Variants in PHF19 observed in about 807,000 individuals in gnomAD.
PHF19 encodes the protein polycomb like 3.
PHF19 carries 21 observed loss-of-function variants against 79.8 expected under a neutral mutation model. The ratio of observed to expected loss-of-function variants is 0.26; its 90% CI spans 0.19 to 0.38. The LOEUF (loss-of-function observed/expected upper bound fraction) is 0.38, where lower values mean the gene tolerates loss of function less well. PHF19 is among the 10% of genes least tolerant of loss of function. The probability of loss-of-function intolerance (pLI) is 1.00; values close to 1 mark genes in which losing one functional copy is unlikely to be tolerated. For missense variants in PHF19, 445 were observed against 744.2 expected, an observed-to-expected ratio of 0.60 and a Z score of 4.68; for synonymous variants, 273 against 296.3, an observed-to-expected ratio of 0.92 and a Z score of 0.81.
At chr9:120,867,725 A>G (rs1479059798) in intron 6 of PHF19, among the ~76,000 whole-genome samples, 1 of 152,232 alleles carries the variant, frequency 6.6e-6, no homozygotes, top group East Asian at 1.9e-4. Context: ...GCCTGAAGTT[A>G]AGGTTAAGCC....
In PHF19 at chr9:120,891,402, T is replaced by C. The variant is rs2046341470; in HGVS notation, c.42+3386A>G. On this transcript the variant is annotated intron_variant, in intron 1 of 14. Transcript: ENST00000616568. This position sits in a 1 kb window ranked among gnomAD's most constrained non-coding sequence, Gnocchi z 4.3. ...TTAAGCCCGCACACCTGCCGTACTT[T>C]GGGATCACCCCGGGAACCTTAACAT... Among the ~76,000 whole-genome samples the C allele has an allele frequency of 6.6e-6, 1 of 152,176 alleles. No individual in the cohort carries two copies. Among genetic ancestry groups the C allele is most frequent in the Non-Finnish European group, 1.5e-5 (1 of 68,034 alleles).
chr9:120,873,294 C>A (rs1588119270), intron 3 of PHF19, among the ~76,000 whole-genome samples: 1 of 152,302 alleles, frequency 6.6e-6, no homozygotes, highest in South Asian at 2.1e-4. Flanking sequence ...TCAATGGCTA[C>A]TGATGTCTGT....
At chr9:120,904,013 G>T in the PHF19 span, 1 of 152,286 alleles carries the variant, frequency 6.6e-6, no homozygotes, top group African/African-American at 2.4e-5. Context: ...TTGCTCAGTG[G>T]CTTGGAGGTC....
At chr9:120,858,846 C>CACACACAA (rs2045429346) in intron 14 of PHF19, among the ~76,000 whole-genome samples, 2 of 151,812 alleles carry the variant, frequency 1.3e-5, no homozygotes, top group Non-Finnish European at 2.9e-5. Context: ...CACACACACA[C>CACACACAA]ACACACACAC....
intron 10 of PHF19, chr9:120,863,144 C>T (rs1246316783): frequency 5.2e-6 from 1 of 193,052 alleles, no homozygotes; most frequent in East Asian, 1.4e-4. Flanking sequence ...ACCGGCTGGG[C>T]TCCTCTGAGG....
chr9:120,883,179 G>A (rs962557882), intron 1 of PHF19, among the ~76,000 whole-genome samples: 1 of 151,718 alleles, frequency 6.6e-6, no homozygotes, highest in Non-Finnish European at 1.5e-5. Flanking sequence ...GGAAATGAGA[G>A]AAGTCTGCCT....
chr9:120,868,905 C>G, intron 6 of PHF19: 15 of 973,234 alleles, frequency 1.5e-5, no homozygotes, highest in Non-Finnish European at 1.9e-5. Flanking sequence ...CCCGAGGCCC[C>G]GCCCTCAGGT....
chr9:120,869,152 C>G lies in PHF19; in HGVS notation c.614+30G>C. 6.3e-7 allele frequency: 1 copy of G among 1,585,750 alleles called. No homozygotes were observed. The highest frequency in any genetic ancestry group is 8.6e-7 in the Non-Finnish European group (1 of 1,166,116). On this transcript the variant is annotated intron_variant, in intron 6 of 14. Transcript: ENST00000373896. The surrounding 1 kb of genome is among the most constrained non-coding windows in gnomAD (Gnocchi z 5.8). ...GGCGATTCTTGGAGACCTGCCCTGC[C>G]GCCCGGGGGGCCCTGACCCCCTGCC...
At chr9:120,892,941 G>A (rs887259182) in intron 1 of PHF19, among the ~76,000 whole-genome samples, 4 of 152,184 alleles carry the variant, frequency 2.6e-5, no homozygotes, top group African/African-American at 4.8e-5. Context: ...CAGCAGTTTA[G>A]AGATGGAAAG....
intron 3 of PHF19, among the ~76,000 whole-genome samples, chr9:120,871,358 GT>G (rs1057390685): frequency 6.6e-6 from 1 of 152,144 alleles, no homozygotes; most frequent in African/African-American, 2.4e-5. Context: ...GTATGTATTT[GT>G]GAAAGATCAA....
chr9:120,895,183 A>T (rs775991064), upstream of PHF19, among the ~76,000 whole-genome samples: 10 of 152,164 alleles, frequency 6.6e-5, no homozygotes, highest in Non-Finnish European at 1.0e-4. Context: ...TGCTCTTTCT[A>T]TCCAAACTCC....
the PHF19 span, among the ~76,000 whole-genome samples, chr9:120,901,234 C>T: frequency 6.6e-6 from 1 of 152,112 alleles, no homozygotes; most frequent in Non-Finnish European, 1.5e-5. Context: ...GCTCTGTCTC[C>T]CAGGCTGGAG....
Position 120,863,993 on chromosome 9 carries a change from G to A in PHF19, c.968+56C>T, listed in dbSNP as rs548979311. 33 of 1,384,978 alleles carry A rather than the reference G, an allele frequency of 2.4e-5. No individual in the cohort carries two copies. In the South Asian group the frequency reaches 3.6e-4, roughly 15 times the overall value. 85.8% of individuals were successfully genotyped at this position (1,384,978 alleles called of 1,614,324 possible). On this transcript the variant is annotated intron_variant, in intron 10 of 14. Transcript: ENST00000373896. ...AGCCTGAGCAAAGGCTATGAGGTAG[G>A]AAGGAATCTCACCTGTAGAGGGCCC...
In PHF19 at chr9:120,891,624, G is replaced by A. The variant is rs1007158424; in HGVS notation, c.42+3164C>T. 6.6e-6 allele frequency among the ~76,000 whole-genome samples: 1 copy of A among 152,270 alleles called. No individual in the cohort carries two copies. Among genetic ancestry groups the A allele is most frequent in the Middle Eastern group, 3.4e-3 (1 of 294 alleles). ...AGAGGAGCTGCACTCCAGGCACCTC[G>A]GGGAGTATAACCTTGAACTCGGAAC... On this transcript the variant is annotated intron_variant, in intron 1 of 14. Transcript: ENST00000616568. This position sits in a 1 kb window ranked among gnomAD's most constrained non-coding sequence, Gnocchi z 4.3.
chr9:120,864,309 C>T (rs931113083), intron 9 of PHF19, among the ~76,000 whole-genome samples, 193 bp from the exon 10 acceptor site: 9 of 152,210 alleles, frequency 5.9e-5, no homozygotes, highest in African/African-American at 1.7e-4. Flanking sequence ...GGAGAGAATA[C>T]TTCCTGACCT....
In PHF19 at chr9:120,866,737, A is replaced by G. The variant is rs1056040842; in HGVS notation, c.710+133T>C. On this transcript the variant is annotated intron_variant, in intron 7 of 14. Coordinates refer to ENST00000373896, the MANE Select transcript of PHF19 (RefSeq NM_015651.3). This position sits in a 1 kb window ranked among gnomAD's most constrained non-coding sequence, Gnocchi z 5.2. ...TCCCCTACCTTGAGCTGCCTCCAGT[A>G]AACAGGTAGGCATACATTGTCACAG... 6.3e-6 allele frequency: 4 copies of G among 631,350 alleles called. No homozygotes were observed. The highest frequency in any genetic ancestry group is 5.4e-5 in the African/African-American group (3 of 55,184). The allele number at this position is 631,350 out of a possible 1,614,324, so 39.1% of individuals were successfully genotyped here. A position where few individuals can be genotyped will look rare whatever the true frequency, so the allele number is the denominator to read the frequency against.
At chr9:120,875,631 C>CCATTCATT (rs890200093) in intron 1 of PHF19, among the ~76,000 whole-genome samples, 1 of 152,150 alleles carries the variant, frequency 6.6e-6, no homozygotes, top group Non-Finnish European at 1.5e-5. Context: ...TTTGCTTGGG[C>CCATTCATT]CATTCATTCA....
At position 120,860,203 on chromosome 9, in the gene PHF19, G is replaced by A. The variant is rs377296721; in HGVS notation, c.1305-18C>T. On this transcript the variant is annotated intron_variant, in intron 13 of 14. Transcript: ENST00000373896. The surrounding 1 kb of genome is among the most constrained non-coding windows in gnomAD (Gnocchi z 4.1). ...AGCTGGCACTGAGAGGGGCAAGACC[G>A]TGAGCCTGCTGGTGGCCCGGCCCAG... 33 of 1,457,478 alleles carry A rather than the reference G, an allele frequency of 2.3e-5. No homozygotes were observed. The highest frequency in any genetic ancestry group is 7.0e-5 in the African/African-American group (5 of 71,688). 90.3% of individuals were successfully genotyped at this position (1,457,478 alleles called of 1,614,324 possible).
the PHF19 span, among the ~76,000 whole-genome samples, chr9:120,901,671 C>G: frequency 3.3e-5 from 5 of 152,282 alleles, no homozygotes; most frequent in South Asian, 4.1e-4. Flanking sequence ...TTAGGAGTCA[C>G]AGAAACCAAG....
Sources: allele counts gnomAD v4.1 joint callset (sites outside exome capture counted in the v4.1 genomes callset), GRCh38; gene constraint gnomAD v4.1.1; non-coding constraint Gnocchi (gnomAD v3.1); transcripts MANE v1.5; gene names NCBI Gene and HGNC (gene_info 2026-07-23, HGNC 2026-07-21).